Variants in APP observed in about 807,000 individuals in gnomAD.
APP encodes amyloid beta precursor protein.
Under a neutral mutation model 101.4 loss-of-function variants are expected in APP, and 31 were observed. The ratio of observed to expected loss-of-function variants is 0.31; its 90% CI spans 0.23 to 0.41. The LOEUF (loss-of-function observed/expected upper bound fraction) is 0.41. Among genes scored for constraint, APP ranks in the 10% least tolerant of loss-of-function variants. The pLI, the probability that APP is intolerant of heterozygous loss-of-function variation, is 1.00. For synonymous variants in APP, 366 were observed against 364.4 expected (o/e 1.00, Z -0.05); for missense variants, 839 against 1,003.7 (o/e 0.84, Z 2.22).
chr21:25,960,626 G>A (rs2041540209), intron 11 of APP, among the ~76,000 whole-genome samples: 1 of 152,226 alleles, frequency 6.6e-6, no homozygotes, highest in South Asian at 2.1e-4. Context: ...GAGTAGCAAA[G>A]GAGGCTCTGA....
At chr21:26,037,878 A>G (rs1419839115) in intron 5 of APP, among the ~76,000 whole-genome samples, 1 of 152,206 alleles carries the variant, frequency 6.6e-6, no homozygotes, top group Admixed American at 6.5e-5. Flanking sequence ...AGTATATTCT[A>G]GGAGATAAAA....
At chr21:26,056,124 A>G (rs2046030959) in intron 3 of APP, among the ~76,000 whole-genome samples, 1 of 151,922 alleles carries the variant, frequency 6.6e-6, no homozygotes, top group African/African-American at 2.4e-5. Flanking sequence ...TGCAGCTTCG[A>G]CCTCCGGGGG....
intron 5 of APP, among the ~76,000 whole-genome samples, chr21:26,023,240 CACCT>C (rs147351006): frequency 0.022 from 3,333 of 152,184 alleles, 111 homozygotes; most frequent in African/African-American, 0.076. Flanking sequence ...AAACACAGAT[CACCT>C]ACCTGCTAAA....
chr21:26,117,448 C>T lies in APP; in HGVS notation c.58-5302G>A, dbSNP rs553577522. Among the ~76,000 whole-genome samples, 25 of 152,308 alleles carry T rather than the reference C, an allele frequency of 1.6e-4. No homozygotes were observed. The South Asian group carries it at 3.3e-3, about 20-fold the overall frequency. Reference sequence around the variant, plus strand: ...AGTATTTCCAGTGTAAGCGGAACATCTGCAGTTGCTCATTTCATCACTAAC... The same window carrying T: ...AGTATTTCCAGTGTAAGCGGAACATTTGCAGTTGCTCATTTCATCACTAAC... On this transcript the variant is annotated intron_variant, in intron 1 of 17. Transcript: ENST00000346798.
intron 15 of APP, among the ~76,000 whole-genome samples, chr21:25,902,668 C>T (rs567955232): frequency 5.3e-5 from 8 of 152,362 alleles, no homozygotes; most frequent in African/African-American, 1.7e-4. Context: ...GGAAGCCCAT[C>T]TCCAGTAAGT....
intron 8 of APP, among the ~76,000 whole-genome samples, chr21:25,991,172 T>A (rs1182796493): frequency 6.6e-6 from 1 of 150,858 alleles, no homozygotes; most frequent in Non-Finnish European, 1.5e-5. Flanking sequence ...TGAGGAAGAG[T>A]GGGAAGGAGG....
At chr21:26,163,248 A>C (rs1379221228) in intron 1 of APP, among the ~76,000 whole-genome samples, 19 of 145,514 alleles carry the variant, frequency 1.3e-4, no homozygotes, top group African/African-American at 2.7e-4. Context: ...TCAAAAAAAA[A>C]AAAAAAAAAA....
At chr21:26,122,172 G>T (rs150344932) in intron 1 of APP, among the ~76,000 whole-genome samples, 39 of 152,330 alleles carry the variant, frequency 2.6e-4, no homozygotes, top group African/African-American at 8.9e-4. Context: ...TCAGGCGTCA[G>T]GCCATTGTAA....
chr21:26,157,352 G>T (rs1356644194), intron 1 of APP, among the ~76,000 whole-genome samples: 1 of 152,154 alleles, frequency 6.6e-6, no homozygotes, highest in Non-Finnish European at 1.5e-5. Flanking sequence ...TTACAGGTGT[G>T]AGCCACCGTG....
At chr21:26,136,139 AAAAAGAAAAG>A (rs145227817) in intron 1 of APP, among the ~76,000 whole-genome samples, 2 of 74,824 alleles carry the variant, frequency 2.7e-5, no homozygotes, top group Non-Finnish European at 4.4e-5. Context: ...TCAAAAAAGA[AAAAAGAAAAG>A]AAAAGAAAAG....
chr21:25,961,457 T>C (rs2041575190), intron 11 of APP, among the ~76,000 whole-genome samples: 1 of 152,218 alleles, frequency 6.6e-6, no homozygotes, highest in South Asian at 2.1e-4. Flanking sequence ...AACAGTTCCC[T>C]ATACTTTTAT....
chr21:26,085,681 C>T lies in APP; in HGVS notation c.355+4262G>A, dbSNP rs17001686. Among the ~76,000 whole-genome samples the T allele has an allele frequency of 4.1e-3, 628 of 152,214 alleles. 8 individuals are homozygous for T. Among genetic ancestry groups the T allele is most frequent in the African/African-American group, 0.015 (606 of 41,530 alleles). ...TTGTTTACATAAATTCAAAGAATTA[C>T]CCTGGTATAAAATGTCACAGTATTC... On this transcript the variant is annotated intron_variant, in intron 3 of 17. Coordinates refer to ENST00000346798, the MANE Select transcript of APP (RefSeq NM_000484.4).
rs1290137008 is a variant in APP at position 26,129,299 on chromosome 21, C to T, written c.58-17153G>A. 2.0e-5 allele frequency among the ~76,000 whole-genome samples: 3 copies of T among 151,834 alleles called. No homozygotes were observed. In the East Asian group the frequency reaches 5.8e-4, roughly 29 times the overall value. ...CAGCCTGGCCAAGATGGTGAAACCCCGTCTCTACTAAAAATACAAAAATTA... is the reference window on the plus strand; with the variant it reads ...CAGCCTGGCCAAGATGGTGAAACCCTGTCTCTACTAAAAATACAAAAATTA... On this transcript the variant is annotated intron_variant, in intron 1 of 17. Transcript: ENST00000346798.
intron 2 of APP, among the ~76,000 whole-genome samples, chr21:26,103,469 G>A (rs1255999319): frequency 0.1 from 6 of 60 alleles, no homozygotes; most frequent in Non-Finnish European, 0.18. Context: ...ATGTGGTGGC[G>A]TGCACCTTGT....
chr21:26,048,280 G>C (rs556919633), intron 5 of APP, among the ~76,000 whole-genome samples: 2 of 152,172 alleles, frequency 1.3e-5, no homozygotes, highest in Admixed American at 6.5e-5. Context: ...CCGAGATCAC[G>C]CCACTGCACT....
rs143113997 is a variant in APP at position 25,888,446 on chromosome 21, A to G, written c.2211+3276T>C. 3.0e-3 allele frequency among the ~76,000 whole-genome samples: 462 copies of G among 152,270 alleles called. 2 individuals are homozygous for G. The highest frequency in any genetic ancestry group is 0.01 in the African/African-American group (432 of 41,552). ...AGGACAGAAAAGCGGAATGTGGTCT[A>G]TTTCAACATTGCTGTACAGACACAC... On this transcript the variant is annotated intron_variant, in intron 17 of 17. Transcript: ENST00000346798.
chr21:25,906,557 G>T (rs1392130078), intron 14 of APP, among the ~76,000 whole-genome samples: 1 of 152,214 alleles, frequency 6.6e-6, no homozygotes, highest in Non-Finnish European at 1.5e-5. Flanking sequence ...ACTGATGCGA[G>T]AGTGACTATT....
At chr21:25,888,071 G>C (rs1001122275) in intron 17 of APP, among the ~76,000 whole-genome samples, 9 of 152,046 alleles carry the variant, frequency 5.9e-5, no homozygotes, top group African/African-American at 1.9e-4. Flanking sequence ...ACTTCTTCAG[G>C]CACGATGGTA....
At chr21:26,054,620 G>GTTTTTTTTTTTTTTTTTTTTTTTTT (rs369608335) in intron 3 of APP, among the ~76,000 whole-genome samples, 2 of 107,994 alleles carry the variant, frequency 1.9e-5, no homozygotes, top group South Asian at 3.3e-4. Context: ...TAGGCCAAAA[G>GTTTTTTTTTTTTTTTTTTTTTTTTT]TTTTTTTTTT....
Sources: allele counts gnomAD v4.1 joint callset (sites outside exome capture counted in the v4.1 genomes callset), GRCh38; gene constraint gnomAD v4.1.1; transcripts MANE v1.5; gene names NCBI Gene and HGNC (gene_info 2026-07-23, HGNC 2026-07-21).